U2AF2: variants seen among roughly 807,000 people sequenced by gnomAD.
U2AF2 encodes the protein splicing factor U2AF 65 kDa subunit.
U2AF2 carries 6 observed loss-of-function variants against 52.6 expected under a neutral mutation model. The ratio of observed to expected loss-of-function variants is 0.11; its 90% confidence interval spans 0.06 to 0.23. U2AF2 has a LOEUF of 0.23. Ranked by LOEUF, U2AF2 falls within the 10% of genes least tolerant of loss-of-function variation. The probability of loss-of-function intolerance (pLI) is 1.00; values close to 1 mark genes in which losing one functional copy is unlikely to be tolerated. For missense variants in U2AF2, 222 were observed against 677.1 expected (o/e 0.33, Z 7.46); for synonymous variants, 284 against 258.2 (o/e 1.10, Z -0.96).
Position 55,663,653 on chromosome 19 carries a change from C to T in U2AF2, c.651C>T (p.Ile217=), listed in dbSNP as rs1984361119. The change falls in exon 7 of 12, where the codon ATC becomes ATT. Residue 217 remains isoleucine (I), a synonymous_variant. Transcript: ENST00000308924. ...ETTQAMAFDG[I]IFQGQSLKIR... is the part of the protein sequence containing the mutation. ...CCCAGGCTATGGCCTTTGATGGCAT[C>T]ATCTTCCAGGGCCAGTCACTAAAGA... 4 of 1,614,094 alleles carry T rather than the reference C, an allele frequency of 2.5e-6. No homozygotes were observed. Among genetic ancestry groups the T allele is most frequent in the Non-Finnish European group, 3.4e-6 (4 of 1,180,054 alleles).
At chr19:55,673,126 C>T (rs1307583515) in intron 11 of U2AF2, among the ~76,000 whole-genome samples, 1 of 150,842 alleles carries the variant, frequency 6.6e-6, no homozygotes, top group Non-Finnish European at 1.5e-5. Flanking sequence ...GCTATGTTGG[C>T]CATGCTGGTC....
chr19:55,667,125 G>A (rs527703028), intron 7 of U2AF2, among the ~76,000 whole-genome samples: 1 of 152,308 alleles, frequency 6.6e-6, no homozygotes, highest in African/African-American at 2.4e-5. Context: ...GTTGGAGCTG[G>A]CTGGGTTGGT....
Position 55,659,162 on chromosome 19 carries a change from G to A in U2AF2, c.50-48G>A, listed in dbSNP as rs199939220. 5.3e-4 allele frequency: 780 copies of A among 1,473,774 alleles called. 1 individual carries two copies. The highest frequency in any genetic ancestry group is 3.3e-3 in the East Asian group (128 of 38,650). 91.3% of individuals were successfully genotyped at this position (1,473,774 alleles called of 1,614,324 possible). ...CCAGCGCGCAGGGTGGGCTGGGCCC[G>A]CATCCTTACTCCGCTTATCCCGTGC... On this transcript the variant is annotated intron_variant, in intron 1 of 11. Transcript: ENST00000308924.
At chr19:55,673,270 C>T (rs564605516) in intron 11 of U2AF2, among the ~76,000 whole-genome samples, 46 of 150,856 alleles carry the variant, frequency 3.0e-4, no homozygotes, top group Middle Eastern at 3.5e-3. Flanking sequence ...AGGTCCCTGC[C>T]TTGAATTTGG....
intron 11 of U2AF2, 32 bp from the exon 12 acceptor site, chr19:55,673,900 CTT>C: frequency 1.3e-6 from 2 of 1,593,254 alleles, no homozygotes; most frequent in Non-Finnish European, 1.7e-6. Flanking sequence ...GGGCGTGAGC[CTT>C]GTTCACAAAC....
At chr19:55,660,251 T>G in intron 3 of U2AF2, 30 bp downstream of exon 3, 1 of 1,582,744 alleles carries the variant, frequency 6.3e-7, no homozygotes, top group South Asian at 1.1e-5. Flanking sequence ...CCTTCCTCCC[T>G]GATGTCCACT....
intron 7 of U2AF2, among the ~76,000 whole-genome samples, chr19:55,665,094 A>G (rs917419077): frequency 6.2e-4 from 95 of 152,302 alleles, no homozygotes; most frequent in African/African-American, 2.1e-3. Flanking sequence ...CATGCTCCCA[A>G]TCGACATGGA....
At chr19:55,673,269 C>T (rs1216296460) in intron 11 of U2AF2, among the ~76,000 whole-genome samples, 2 of 151,412 alleles carry the variant, frequency 1.3e-5, no homozygotes, top group African/African-American at 4.8e-5. Context: ...CAGGTCCCTG[C>T]CTTGAATTTG....
Position 55,668,580 on chromosome 19 carries a change from T to C in U2AF2, c.816T>C (p.Asp272=), listed in dbSNP as rs750280472. 34 of 1,607,082 alleles carry C rather than the reference T, an allele frequency of 2.1e-5. No individual in the cohort carries two copies. The highest frequency in any genetic ancestry group is 2.6e-5 in the Non-Finnish European group (31 of 1,175,880). The stretch of plus-strand genomic sequence containing the variant: ...GGGGCTTACCCAACTACCTGAACGA[T>C]GACCAGGTAACTTCCCTGCCTCCCT... ...FIGGLPNYLN[D]DQVKELLTSF... Residue 272 remains aspartate, a synonymous_variant, in exon 8 of 12, where the codon GAT becomes GAC. Transcript: ENST00000308924. The surrounding 1 kb of genome is among the most constrained non-coding windows in gnomAD (Gnocchi z 5.5).
At chr19:55,669,285 T>G in intron 10 of U2AF2, 104 bp downstream of exon 10, 5 of 1,554,372 alleles carry the variant, frequency 3.2e-6, no homozygotes, top group Non-Finnish European at 3.5e-6. Context: ...GGGAAGGCAT[T>G]TGGGGGGCAT....
chr19:55,658,787 C>T (rs565770756), intron 1 of U2AF2: 6 of 160,524 alleles, frequency 3.7e-5, no homozygotes, highest in African/African-American at 1.4e-4. Context: ...TGGGTGCCAG[C>T]TAGTTGCAGA....
At chr19:55,662,797 C>A (rs570395392) in intron 6 of U2AF2, among the ~76,000 whole-genome samples, 179 bp downstream of exon 6, 5 of 152,116 alleles carry the variant, frequency 3.3e-5, no homozygotes, top group African/African-American at 1.2e-4. Flanking sequence ...CTACTTTCTG[C>A]CTTCCATTTG....
At chr19:55,660,897 G>A (rs1984145071) in intron 4 of U2AF2, 141 bp from the exon 5 acceptor site, 1 of 1,377,736 alleles carries the variant, frequency 7.3e-7, no homozygotes, top group Non-Finnish European at 9.6e-7. Flanking sequence ...CCCCGAGGGT[G>A]GAAAGAGGGT....
intron 1 of U2AF2, among the ~76,000 whole-genome samples, chr19:55,657,261 G>A (rs1051115298): frequency 3.9e-5 from 6 of 152,216 alleles, no homozygotes; most frequent in African/African-American, 1.4e-4. Flanking sequence ...AGTGTTTTGA[G>A]CAAACGAAGC....
intron 11 of U2AF2, 93 bp downstream of exon 11, chr19:55,669,785 C>T (rs1449783289): frequency 1.4e-6 from 2 of 1,454,238 alleles, no homozygotes; most frequent in Non-Finnish European, 1.8e-6. Context: ...CACCCTCTCC[C>T]CCTCCTCTTC....
At chr19:55,665,850 T>C (rs1259891093) in intron 7 of U2AF2, among the ~76,000 whole-genome samples, 5 of 152,238 alleles carry the variant, frequency 3.3e-5, no homozygotes, top group African/African-American at 7.2e-5. Context: ...GGTTTCACCA[T>C]GTTGGCCAGG....
At chr19:55,672,951 T>TC (rs1286565560) in intron 11 of U2AF2, among the ~76,000 whole-genome samples, 1 of 151,868 alleles carries the variant, frequency 6.6e-6, no homozygotes, top group African/African-American at 2.4e-5. Context: ...CCAATAATTT[T>TC]TTTTTTTTTG....
chr19:55,663,791 C>T (rs774297269), intron 7 of U2AF2, 47 bp downstream of exon 7: 1 of 1,608,090 alleles, frequency 6.2e-7, no homozygotes, highest in Non-Finnish European at 8.5e-7. Context: ...CAGTCCTGTT[C>T]CCATGGCCTG....
At chr19:55,672,827 T>C (rs777687246) in intron 11 of U2AF2, among the ~76,000 whole-genome samples, 1 of 151,768 alleles carries the variant, frequency 6.6e-6, no homozygotes, top group South Asian at 2.1e-4. Flanking sequence ...GTATTTTTAA[T>C]AGAGACAGGG....
Sources: gnomAD v4.1 joint callset for allele counts (sites outside exome capture counted in the v4.1 genomes callset) on GRCh38, gnomAD v4.1.1 for gene constraint, Gnocchi (gnomAD v3.1) non-coding constraint, MANE v1.5 for transcripts, NCBI Gene and HGNC (gene_info 2026-07-23, HGNC 2026-07-21) for gene names.